The following RPTOR variants were observed in gnomAD, a reference collection of about 807,000 sequenced individuals.
RPTOR encodes the protein regulatory-associated protein of mTOR.
Under a neutral mutation model 169.9 loss-of-function variants are expected in RPTOR, and 21 were observed. The observed-to-expected ratio is 0.12, with a 90% CI of 0.09 to 0.18. RPTOR has a LOEUF of 0.18. RPTOR is among the 10% of genes least tolerant of loss of function. The pLI, the probability that RPTOR is intolerant of heterozygous loss-of-function variation, is 1.00. For missense variants in RPTOR, 1,133 were observed against 1,855.9 expected (o/e 0.61, Z 7.16); for synonymous variants, 732 against 753.2 (o/e 0.97, Z 0.46).
chr17:80,611,014 A>G (rs2065266614), intron 1 of RPTOR, among the ~76,000 whole-genome samples: 1 of 152,122 alleles, frequency 6.6e-6, no homozygotes. Context: ...CTGGAAACTA[A>G]TTTCAAGCAA....
Position 80,964,782 on chromosome 17 carries a change from G to C in RPTOR, c.*452G>C. The C allele has an allele frequency of 8.2e-6, 2 of 244,424 alleles. No individual in the cohort carries two copies. Among genetic ancestry groups the C allele is most frequent in the Non-Finnish European group, 1.6e-5 (2 of 124,706 alleles). The allele number at this position is 244,424 out of a possible 1,614,324, so 15.1% of individuals were successfully genotyped here. A position where few individuals can be genotyped will look rare whatever the true frequency, so the allele number is the denominator to read the frequency against. ...TCCCCATCAGGCCAAGAGCGAGCGA[G>C]AGGCGCTGCCCCAGCCAGGCCCACC... On this transcript the variant is annotated 3_prime_UTR_variant, in exon 34 of 34. Coordinates refer to ENST00000306801, the MANE Select transcript of RPTOR (RefSeq NM_020761.3).
At chr17:80,951,115 C>A (rs1445028501) in intron 28 of RPTOR, among the ~76,000 whole-genome samples, 1 of 151,170 alleles carries the variant, frequency 6.6e-6, no homozygotes, top group Admixed American at 6.6e-5. Context: ...TGAGACCCCC[C>A]GGAAGCATCC....
intron 1 of RPTOR, chr17:80,602,996 C>A: frequency 3.3e-6 from 1 of 299,688 alleles, no homozygotes. Context: ...GATGATCATC[C>A]CAGATGGGTT....
rs1295822997 is a variant in RPTOR, at chr17:80,695,284, C to T, written c.349-12557C>T. Among the ~76,000 whole-genome samples, 2 of 152,246 alleles carry T rather than the reference C, an allele frequency of 1.3e-5. No homozygotes were observed. The highest frequency in any genetic ancestry group is 4.8e-5 in the African/African-American group (2 of 41,468). ...CGAGCATTTCCACACGAGACTTTCA[C>T]ATCAGCCACCCGGGCAGGGCCCGCG... On this transcript the variant is annotated intron_variant, in intron 3 of 33. Coordinates refer to ENST00000306801, the MANE Select transcript of RPTOR (RefSeq NM_020761.3). The surrounding 1 kb of genome is among the most constrained non-coding windows in gnomAD (Gnocchi z 4.9).
intron 4 of RPTOR, among the ~76,000 whole-genome samples, chr17:80,724,859 G>A (rs1367132591): frequency 1.3e-5 from 2 of 152,318 alleles, no homozygotes; most frequent in Non-Finnish European, 2.9e-5. Context: ...GCTGGAGCAC[G>A]GGGTGGCGGC....
At chr17:80,797,867 T>A (rs543600799) in intron 7 of RPTOR, among the ~76,000 whole-genome samples, 1 of 152,224 alleles carries the variant, frequency 6.6e-6, no homozygotes, top group African/African-American at 2.4e-5. Flanking sequence ...CACCAACATA[T>A]GTTAACTCCC....
At position 80,743,523 on chromosome 17, in the gene RPTOR, G is replaced by A. The variant is rs1241885721; in HGVS notation, c.655-10487G>A. On this transcript the variant is annotated intron_variant, in intron 5 of 33. Transcript: ENST00000306801. ...CGTTCGGAGTGCTGGGCATTGCCAG[G>A]TCTGAAAGAGGTCATCAGTTCTTGG... 4.5e-6 allele frequency: 4 copies of A among 887,246 alleles called. 1 individual carries two copies. Among genetic ancestry groups the A allele is most frequent in the Non-Finnish European group, 1.4e-6 (1 of 740,294 alleles). 55.0% of individuals were successfully genotyped at this position (887,246 alleles called of 1,614,324 possible). A position where few individuals can be genotyped will look rare whatever the true frequency, so the allele number is the denominator to read the frequency against.
At chr17:80,924,836 C>T (rs946561350) in intron 23 of RPTOR, among the ~76,000 whole-genome samples, 1 of 152,222 alleles carries the variant, frequency 6.6e-6, no homozygotes, top group African/African-American at 2.4e-5. Context: ...CCCTGGCCGC[C>T]ACAGGTTCCA....
chr17:80,686,733 C>A (rs374231101), intron 3 of RPTOR, among the ~76,000 whole-genome samples: 2 of 152,136 alleles, frequency 1.3e-5, no homozygotes, highest in African/African-American at 4.8e-5. Context: ...GAGGTACTTG[C>A]TTGATTTTTA....
intron 5 of RPTOR, among the ~76,000 whole-genome samples, chr17:80,731,487 A>G (rs1192319761): frequency 6.6e-6 from 1 of 152,192 alleles, no homozygotes; most frequent in Non-Finnish European, 1.5e-5. Flanking sequence ...CCCACTTCAA[A>G]AAGCGGAAAG....
chr17:80,923,580 G>C lies in RPTOR; in HGVS notation c.2715G>C (p.Arg905=). 6.2e-7 allele frequency: 1 copy of C among 1,613,424 alleles called. No homozygotes were observed. The change falls in exon 23 of 34, where the codon CGG becomes CGC. Residue 905 remains arginine (R), a synonymous_variant. Coordinates refer to ENST00000306801, the MANE Select transcript of RPTOR (RefSeq NM_020761.3). ...QPVSRDLPSG[R]PGTTGPAGAQ... is the part of the protein sequence containing the mutation. ...TCAGCCGAGACTTGCCTTCTGGCCG[G>C]CCGGGCACCACAGGCCCCGCTGGGG...
At chr17:80,858,258 G>A (rs963830924) in intron 13 of RPTOR, 19 of 283,802 alleles carry the variant, frequency 6.7e-5, no homozygotes, top group African/African-American at 3.0e-4. Flanking sequence ...AAGCAACCCC[G>A]CCATGGCATA....
intron 5 of RPTOR, among the ~76,000 whole-genome samples, chr17:80,750,683 A>G (rs2143318285): frequency 6.6e-6 from 1 of 152,184 alleles, no homozygotes; most frequent in Non-Finnish European, 1.5e-5. Context: ...CTGGAAACTA[A>G]TTTTCTGTGT....
rs1470917533 is a variant in RPTOR at position 80,959,667 on chromosome 17, G to C, written c.3478-411G>C. Among the ~76,000 whole-genome samples the C allele has an allele frequency of 6.6e-6, 1 of 152,224 alleles. No homozygotes were observed. Among genetic ancestry groups the C allele is most frequent in the East Asian group, 1.9e-4 (1 of 5,198 alleles). ...AGTTCTGAGACGCAGCCAGTGAGGAGTCCTTGCCAAAATGTGCTTTGCTTT... is the reference window on the plus strand; with the variant it reads ...AGTTCTGAGACGCAGCCAGTGAGGACTCCTTGCCAAAATGTGCTTTGCTTT... On this transcript the variant is annotated intron_variant, in intron 29 of 33. Transcript: ENST00000306801. The surrounding 1 kb of genome is among the most constrained non-coding windows in gnomAD (Gnocchi z 6.7).
At chr17:80,653,557 G>A (rs977512229) in intron 3 of RPTOR, among the ~76,000 whole-genome samples, 2 of 152,204 alleles carry the variant, frequency 1.3e-5, no homozygotes, top group Admixed American at 6.5e-5. Flanking sequence ...GTCGGGGTGA[G>A]TGCAGGCAGA....
Position 80,883,852 on chromosome 17 carries a change from C to T in RPTOR, c.1722C>T (p.Arg574=), listed in dbSNP as rs1256265610. The change falls in exon 16 of 34, where the codon CGC becomes CGT. Residue 574 remains arginine, a synonymous_variant. Transcript: ENST00000306801. ...EQLNDPHPLL[R]QWVAICLGRI... is the part of the protein sequence containing the mutation. ...TCAACGACCCGCACCCCTTGCTGCG[C>T]CAGTGGGTGGCCATCTGCCTCGGCA... 6.2e-7 allele frequency: 1 copy of T among 1,613,762 alleles called. No individual in the cohort carries two copies. Among genetic ancestry groups the T allele is most frequent in the South Asian group, 1.1e-5 (1 of 91,088 alleles).
At position 80,726,020 on chromosome 17, in the gene RPTOR, G is replaced by T. The variant is rs1414582111; in HGVS notation, c.508-4540G>T. ...TGTGGGGGTGGCTGGGTGGTGCTGC[G>T]GAAGATTGTGTGGTGCACAGGGCAG... On this transcript the variant is annotated intron_variant, in intron 4 of 33. Coordinates refer to ENST00000306801, the MANE Select transcript of RPTOR (RefSeq NM_020761.3). The surrounding 1 kb of genome is among the most constrained non-coding windows in gnomAD (Gnocchi z 4.5). Among the ~76,000 whole-genome samples the T allele has an allele frequency of 6.6e-6, 1 of 152,178 alleles. No homozygotes were observed. The highest frequency in any genetic ancestry group is 1.5e-5 in the Non-Finnish European group (1 of 68,028).
chr17:80,937,878 G>A (rs956697795), intron 24 of RPTOR, among the ~76,000 whole-genome samples: 1 of 152,150 alleles, frequency 6.6e-6, no homozygotes, highest in Admixed American at 6.5e-5. Context: ...GCCTCACGCC[G>A]CACCTCCACT....
At chr17:80,697,587 G>A (rs1156849396) in intron 3 of RPTOR, among the ~76,000 whole-genome samples, 3 of 152,216 alleles carry the variant, frequency 2.0e-5, no homozygotes, top group South Asian at 2.1e-4. Flanking sequence ...CGTGATAGGT[G>A]CAGGTGGCAC....
Sources: allele counts gnomAD v4.1 joint callset (sites outside exome capture counted in the v4.1 genomes callset), GRCh38; gene constraint gnomAD v4.1.1; non-coding constraint Gnocchi (gnomAD v3.1); transcripts MANE v1.5; gene names NCBI Gene and HGNC (gene_info 2026-07-23, HGNC 2026-07-21).